The following DAPK2 variants were observed in gnomAD, a reference collection of about 807,000 sequenced individuals.
The protein encoded by DAPK2 is death associated protein kinase 2, also known as death-associated protein kinase 2.
DAPK2 carries 35 observed loss-of-function variants against 44.1 expected under a neutral mutation model. The ratio of observed to expected loss-of-function variants is 0.79; its 90% confidence interval spans 0.61 to 1.05. The LOEUF (loss-of-function observed/expected upper bound fraction) is 1.05. Among genes scored for constraint, DAPK2 ranks in the 50% least tolerant of loss-of-function variants. The pLI, the probability that DAPK2 is intolerant of heterozygous loss-of-function variation, is 0.00. For missense variants in DAPK2, 453 were observed against 483.2 expected, an observed-to-expected ratio of 0.94 and a Z score of 0.59; for synonymous variants, 174 against 182.6, an observed-to-expected ratio of 0.95 and a Z score of 0.38.
chr15:63,948,105 G>A (rs2140506774), intron 3 of DAPK2, among the ~76,000 whole-genome samples: 1 of 151,494 alleles, frequency 6.6e-6, no homozygotes, highest in East Asian at 1.9e-4. Context: ...CCATCTCTAA[G>A]AAAAAATGCA....
At chr15:64,014,207 G>C (rs1057117272) in intron 1 of DAPK2, among the ~76,000 whole-genome samples, 2 of 152,212 alleles carry the variant, frequency 1.3e-5, no homozygotes, top group Admixed American at 6.5e-5. Flanking sequence ...ACCTGCGGAG[G>C]CAGCACTGCT....
chr15:64,039,388 C>T (rs1032980266), intron 1 of DAPK2, among the ~76,000 whole-genome samples: 5 of 152,232 alleles, frequency 3.3e-5, no homozygotes, highest in African/African-American at 1.2e-4. Context: ...CTATGTCACT[C>T]ACTGGCTCAG....
chr15:64,005,610 G>T (rs1014159744), intron 1 of DAPK2, among the ~76,000 whole-genome samples: 5 of 152,028 alleles, frequency 3.3e-5, no homozygotes, highest in African/African-American at 1.2e-4. Flanking sequence ...AGCAAATACT[G>T]GGAAACAGAT....
At chr15:64,025,860 G>C (rs796387859) in intron 1 of DAPK2, among the ~76,000 whole-genome samples, 5 of 152,296 alleles carry the variant, frequency 3.3e-5, no homozygotes, top group African/African-American at 1.2e-4. Flanking sequence ...GCGGGGGATG[G>C]ATAACATTTT....
At chr15:64,044,310 G>A (rs1025580032), upstream of DAPK2, among the ~76,000 whole-genome samples, 4 of 152,032 alleles carry the variant, frequency 2.6e-5, no homozygotes, top group Non-Finnish European at 5.9e-5. Context: ...AACACTTCAG[G>A]GGGCTACCAC....
intron 1 of DAPK2, among the ~76,000 whole-genome samples, chr15:64,005,907 A>G (rs1457637083): frequency 2.0e-5 from 3 of 151,978 alleles, no homozygotes; most frequent in Non-Finnish European, 2.9e-5. Flanking sequence ...GTTGGCACAC[A>G]TTTGTAGTCC....
At chr15:63,956,800 A>G (rs1204816120) in intron 3 of DAPK2, among the ~76,000 whole-genome samples, 3 of 152,048 alleles carry the variant, frequency 2.0e-5, no homozygotes, top group Admixed American at 2.0e-4. Flanking sequence ...TGTTAGCCAG[A>G]ACGGTCTCAA....
In DAPK2 at chr15:63,923,396, G is replaced by A. The variant is rs2079144153; in HGVS notation, c.858+1420C>T. The A allele has an allele frequency of 6.6e-7, 1 of 1,509,176 alleles. No individual in the cohort carries two copies. Among genetic ancestry groups the A allele is most frequent in the Admixed American group, 2.0e-5 (1 of 49,802 alleles). The allele number at this position is 1,509,176 out of a possible 1,614,324, so 93.5% of individuals were successfully genotyped here. A position where few individuals can be genotyped will look rare whatever the true frequency, so the allele number is the denominator to read the frequency against. ...GAGTGTTAATTTGCCGCCCACCCCA[G>A]AGGGCAGTCCAAAGGGTAGGCAGAA... On this transcript the variant is annotated intron_variant, in intron 8 of 10. Coordinates refer to ENST00000261891, the Ensembl canonical transcript of DAPK2. This position sits in a 1 kb window ranked among gnomAD's most constrained non-coding sequence, Gnocchi z 4.2.
At chr15:63,926,034 G>A in exon 7 of DAPK2, 1 of 1,614,166 alleles carries the variant, frequency 6.2e-7, no homozygotes, top group South Asian at 1.1e-5. Context: ...ACTCACTGCT[G>A]TGATATTTGC....
intron 1 of DAPK2, among the ~76,000 whole-genome samples, chr15:64,000,407 T>G (rs1446469313): frequency 6.6e-6 from 1 of 152,178 alleles, no homozygotes; most frequent in South Asian, 2.1e-4. Context: ...TCCTGAGATG[T>G]CACCATCTAC....
chr15:63,999,455 C>T (rs1014103002), intron 1 of DAPK2, among the ~76,000 whole-genome samples: 12 of 152,156 alleles, frequency 7.9e-5, no homozygotes, highest in African/African-American at 2.7e-4. Flanking sequence ...CAGCAGCTTG[C>T]CCAAGGTCAC....
At chr15:64,036,336 T>TATAC (rs1331157703) in intron 1 of DAPK2, among the ~76,000 whole-genome samples, 3 of 115,064 alleles carry the variant, frequency 2.6e-5, no homozygotes, top group Non-Finnish European at 3.6e-5. Flanking sequence ...TATATATATA[T>TATAC]ACATATATAT....
intron 8 of DAPK2, among the ~76,000 whole-genome samples, chr15:63,913,988 T>TC (rs1435342796): frequency 2.0e-5 from 3 of 152,098 alleles, no homozygotes; most frequent in Non-Finnish European, 4.4e-5. Context: ...TGCCCTACTC[T>TC]CCTCCCAACC....
chr15:64,045,790 G>A (rs940624148), intron 1 of DAPK2, among the ~76,000 whole-genome samples: 2 of 152,158 alleles, frequency 1.3e-5, no homozygotes, highest in Non-Finnish European at 2.9e-5. Context: ...CCGCCCCCAC[G>A]CCCATCCTAG....
At chr15:64,012,141 T>C (rs951848862) in intron 1 of DAPK2, among the ~76,000 whole-genome samples, 103 of 152,320 alleles carry the variant, frequency 6.8e-4, no homozygotes, top group African/African-American at 2.2e-3. Context: ...CATTACTGAC[T>C]GTCACTACCC....
chr15:63,990,075 C>T lies in DAPK2; in HGVS notation c.93-6321G>A, dbSNP rs1363601622. 2.0e-5 allele frequency among the ~76,000 whole-genome samples: 3 copies of T among 152,196 alleles called. No individual in the cohort carries two copies. The highest frequency in any genetic ancestry group is 4.4e-5 in the Non-Finnish European group (3 of 68,034). On this transcript the variant is annotated intron_variant, in intron 1 of 10. Coordinates refer to ENST00000261891, the Ensembl canonical transcript of DAPK2. This position sits in a 1 kb window ranked among gnomAD's most constrained non-coding sequence, Gnocchi z 4.3. ...GACCACTCGCACTGCCACCCACCCT[C>T]ACCCTCTGTGGTAAGCCACAGCCAA...
intron 3 of DAPK2, among the ~76,000 whole-genome samples, chr15:63,941,781 G>A (rs536404580): frequency 6.6e-6 from 1 of 152,242 alleles, no homozygotes; most frequent in African/African-American, 2.4e-5. Flanking sequence ...GTACAGAAAG[G>A]AGCATGAGGG....
intron 1 of DAPK2, among the ~76,000 whole-genome samples, chr15:64,036,336 T>TATATAC (rs1331157703): frequency 8.7e-6 from 1 of 115,094 alleles, no homozygotes. Context: ...TATATATATA[T>TATATAC]ACATATATAT....
At chr15:63,979,640 C>T (rs1419424658) in intron 2 of DAPK2, among the ~76,000 whole-genome samples, 2 of 152,134 alleles carry the variant, frequency 1.3e-5, no homozygotes, top group South Asian at 2.1e-4. Context: ...AGGCTGGGTG[C>T]GGTGGCTCAT....
Sources: gnomAD v4.1 joint callset for allele counts (sites outside exome capture counted in the v4.1 genomes callset) on GRCh38, gnomAD v4.1.1 for gene constraint, Gnocchi (gnomAD v3.1) non-coding constraint, MANE v1.5 for transcripts, NCBI Gene and HGNC (gene_info 2026-07-23, HGNC 2026-07-21) for gene names.